KIAA1755: variants seen among roughly 807,000 people sequenced by gnomAD.
KIAA1755 encodes the protein uncharacterized protein KIAA1755.
In KIAA1755, 68 loss-of-function variants were observed where a neutral mutation model predicts 91.7. That is an observed-to-expected ratio of 0.74 (90% CI 0.61 to 0.91). The LOEUF is 0.91. KIAA1755 is among the 40% of genes least tolerant of loss of function. KIAA1755 has a pLI of 0.00. For missense variants in KIAA1755, 1,535 were observed against 1,494.4 expected, an observed-to-expected ratio of 1.03 and a Z score of -0.45; for synonymous variants, 610 against 604.6, an observed-to-expected ratio of 1.01 and a Z score of -0.13.
intron 13 of KIAA1755, among the ~76,000 whole-genome samples, chr20:38,216,418 C>T (rs1288948670): frequency 6.6e-6 from 1 of 152,228 alleles, no homozygotes; most frequent in Non-Finnish European, 1.5e-5. Context: ...ATCGCTGTGG[C>T]CTGCACGTGG....
rs938987506 is a variant in KIAA1755, at chr20:38,247,304, C to T, written c.4-1178G>A. ...GCAGCTGCCCTCCGCCCCCGCCTCC[C>T]CTCCAGCCTCGCCACCCCTCTCCAT... On this transcript the variant is annotated intron_variant, in intron 1 of 13. Transcript: ENST00000279024. 2.6e-5 allele frequency among the ~76,000 whole-genome samples: 4 copies of T among 152,204 alleles called. No homozygotes were observed. In the South Asian group the frequency reaches 6.2e-4, roughly 24 times the overall value.
chr20:38,238,017 A>G (rs924152049), intron 4 of KIAA1755, among the ~76,000 whole-genome samples: 1 of 152,260 alleles, frequency 6.6e-6, no homozygotes, highest in Non-Finnish European at 1.5e-5. Flanking sequence ...AACAAAAGTA[A>G]CTGAGGGAAG....
intron 3 of KIAA1755, among the ~76,000 whole-genome samples, chr20:38,240,243 C>T (rs970184888): frequency 2.0e-5 from 3 of 152,162 alleles, no homozygotes; most frequent in South Asian, 2.1e-4. Context: ...CTTCTGGTGT[C>T]GCTTTGAACC....
At chr20:38,244,719 T>C (rs2076124264) in intron 2 of KIAA1755, among the ~76,000 whole-genome samples, 1 of 152,168 alleles carries the variant, frequency 6.6e-6, no homozygotes, top group Admixed American at 6.5e-5. Context: ...TTTTTGTTTT[T>C]TGTTTTTGAG....
At position 38,224,644 on chromosome 20, in the gene KIAA1755, A is replaced by G. The variant is rs896602256; in HGVS notation, c.2170-1008T>C. 4.6e-5 allele frequency among the ~76,000 whole-genome samples: 7 copies of G among 152,294 alleles called. 1 individual carries two copies. In the South Asian group the frequency reaches 1.5e-3, roughly 32 times the overall value. On this transcript the variant is annotated intron_variant, in intron 8 of 13. Coordinates refer to ENST00000279024, the MANE Select transcript of KIAA1755 (RefSeq NM_001029864.2). ...CAGGGCTGGTACCAAGCATGCCGCA[A>G]TACACAAGACAGCTCCCAACAAAAC...
chr20:38,217,477 G>A lies in KIAA1755; in HGVS notation c.2680-3C>T, dbSNP rs2075570475. The A allele has an allele frequency of 1.3e-6, 2 of 1,591,544 alleles. No individual in the cohort carries two copies. The highest frequency in any genetic ancestry group is 2.3e-5 in the South Asian group (2 of 88,582). ...TCCAGGCCTCGGCGGTACTGGGCCT[G>A]AGAGGGGAGAGGAGGGGGCGCCCAC... is the stretch of plus-strand genomic sequence containing the variant. On this transcript the variant is annotated splice_polypyrimidine_tract_variant and splice_region_variant and intron_variant, in intron 12 of 13. Coordinates refer to ENST00000279024, the MANE Select transcript of KIAA1755 (RefSeq NM_001029864.2).
chr20:38,217,973 C>A (rs921228170), intron 12 of KIAA1755: 9 of 491,722 alleles, frequency 1.8e-5, no homozygotes, highest in Middle Eastern at 5.4e-4. Context: ...CTCTGTGAGG[C>A]TGAGTTATTA....
At chr20:38,224,449 A>G (rs1355164862) in intron 8 of KIAA1755, among the ~76,000 whole-genome samples, 1 of 152,216 alleles carries the variant, frequency 6.6e-6, no homozygotes, top group Non-Finnish European at 1.5e-5. Context: ...TCAAAAACAC[A>G]CAATTTTAAA....
chr20:38,230,031 C>G (rs1208665021), intron 5 of KIAA1755, among the ~76,000 whole-genome samples: 2 of 152,174 alleles, frequency 1.3e-5, no homozygotes, highest in African/African-American at 4.8e-5. Flanking sequence ...CCCCTTACCC[C>G]CAACAGCAGA....
intron 13 of KIAA1755, 136 bp downstream of exon 13, chr20:38,217,117 T>G (rs2075559058): frequency 1.4e-6 from 1 of 690,768 alleles, no homozygotes; most frequent in Non-Finnish European, 2.4e-6. Context: ...GGGGGGGGGC[T>G]GTGTCTAGGT....
intron 1 of KIAA1755, among the ~76,000 whole-genome samples, chr20:38,256,549 T>C (rs1180479692): frequency 6.6e-6 from 1 of 152,220 alleles, no homozygotes; most frequent in African/African-American, 2.4e-5. Context: ...ATGCCTATAA[T>C]CCCAGCACTT....
intron 1 of KIAA1755, among the ~76,000 whole-genome samples, chr20:38,259,326 A>G (rs1233179364): frequency 6.6e-6 from 1 of 152,120 alleles, no homozygotes; most frequent in Non-Finnish European, 1.5e-5. Context: ...GTGTATGCCA[A>G]TGTATGCCCA....
Position 38,222,727 on chromosome 20 carries a change from T to G in KIAA1755, c.2269-130A>C. On this transcript the variant is annotated intron_variant, in intron 9 of 13. Coordinates refer to ENST00000279024, the MANE Select transcript of KIAA1755 (RefSeq NM_001029864.2). ...AAGGTCCTCCAGAAAGTCTGTCATT[T>G]CTGTCTCTAAAACATCCCCTCTAGC... The G allele has an allele frequency of 3.0e-6, 3 of 1,003,448 alleles. No individual in the cohort carries two copies. In the South Asian group the frequency reaches 4.2e-5, roughly 14 times the overall value. 62.2% of individuals were successfully genotyped at this position (1,003,448 alleles called of 1,614,324 possible).
chr20:38,226,133 T>C (rs76322462), intron 7 of KIAA1755, among the ~76,000 whole-genome samples: 8,872 of 152,242 alleles, frequency 0.058, 441 homozygotes, highest in African/African-American at 0.13. Context: ...AAGCTGGCCC[T>C]TGTGATGAAA....
At chr20:38,214,108 T>C (rs369339432) in intron 13 of KIAA1755, among the ~76,000 whole-genome samples, 23 of 152,218 alleles carry the variant, frequency 1.5e-4, no homozygotes, top group African/African-American at 5.5e-4. Context: ...CCTGCTGCCA[T>C]GCCCAGCTAA....
chr20:38,226,905 T>C (rs2075766254), intron 7 of KIAA1755, among the ~76,000 whole-genome samples: 1 of 152,180 alleles, frequency 6.6e-6, no homozygotes, highest in Non-Finnish European at 1.5e-5. Context: ...TTCTCGATCA[T>C]GTGGCAGCAC....
In KIAA1755 at chr20:38,222,535, GC is replaced by G; in HGVS notation, c.2330del (p.Gly777AlafsTer92). 4 of 1,613,598 alleles carry G rather than the reference GC, an allele frequency of 2.5e-6. No homozygotes were observed. Among genetic ancestry groups the G allele is most frequent in the Non-Finnish European group, 3.4e-6 (4 of 1,179,978 alleles). ...ELMEAVLRDPGLLGLQREGGA... is the reference protein window; with the variant it reads ...ELMEAVLRDPXLLGLQREGGA... The stretch of plus-strand genomic sequence containing the variant: ...CACCTTCCCGCTGGAGGCCCAGTAG[GC>G]CGGGGTCCCTCAGCACAGCCTCCAT... On this transcript the variant is annotated frameshift_variant, in exon 10 of 14. Coordinates refer to ENST00000279024, the MANE Select transcript of KIAA1755 (RefSeq NM_001029864.2). LOFTEE classifies it high-confidence loss of function.
chr20:38,245,803 TC>T (rs1003108765), intron 2 of KIAA1755, 125 bp downstream of exon 2: 88 of 804,890 alleles, frequency 1.1e-4, no homozygotes, highest in Middle Eastern at 1.1e-3. Flanking sequence ...ACTTGGAAAG[TC>T]CCCCCACACC....
rs1487415447 is a variant in KIAA1755 at position 38,222,569 on chromosome 20, T to C, written c.2297A>G (p.Lys766Arg). 4 of 1,612,968 alleles carry C rather than the reference T, an allele frequency of 2.5e-6. No homozygotes were observed. Among genetic ancestry groups the C allele is most frequent in the East Asian group, 2.2e-5 (1 of 44,888 alleles). ...QEATRCLSKS[K>R]ELMEAVLRDP... Reference sequence around the variant, plus strand: ...CCTCAGCACAGCCTCCATCAGCTCCTTGGACTTGCTCAGGCACCTGGTAGC... The same window carrying C: ...CCTCAGCACAGCCTCCATCAGCTCCCTGGACTTGCTCAGGCACCTGGTAGC... The change falls in exon 10 of 14, where the codon AAG (lysine) becomes AGG (arginine). Residue 766 changes from lysine (K) to arginine (R), a missense_variant. Lys to Arg is a conservative substitution (Grantham distance 26). Coordinates refer to ENST00000279024, the MANE Select transcript of KIAA1755 (RefSeq NM_001029864.2).
Sources: allele counts gnomAD v4.1 joint callset (sites outside exome capture counted in the v4.1 genomes callset), GRCh38; gene constraint gnomAD v4.1.1; transcripts MANE v1.5; gene names NCBI Gene and HGNC (gene_info 2026-07-23, HGNC 2026-07-21).